Variants in BCAR3 observed in about 807,000 individuals in gnomAD.
BCAR3 encodes the protein BCAR3 adaptor protein, NSP family member, also known as breast cancer anti-estrogen resistance protein 3.
Under a neutral mutation model 80.1 loss-of-function variants are expected in BCAR3, and 37 were observed. That is an observed-to-expected ratio of 0.46 (90% CI 0.36 to 0.61). BCAR3 has a LOEUF of 0.61. Among genes scored for constraint, BCAR3 ranks in the 20% least tolerant of loss-of-function variants. BCAR3 has a pLI of 0.00. For missense variants in BCAR3, 978 were observed against 1,068.2 expected, an observed-to-expected ratio of 0.92 and a Z score of 1.18; for synonymous variants, 389 against 418.9, an observed-to-expected ratio of 0.93 and a Z score of 0.87.
chr1:93,744,339 A>C (rs1651281151), intron 2 of BCAR3, among the ~76,000 whole-genome samples: 1 of 152,216 alleles, frequency 6.6e-6, no homozygotes, highest in Admixed American at 6.5e-5. Context: ...ACGTTTCAAC[A>C]GGGGTAAATA....
chr1:93,646,354 G>C (rs921030655), intron 2 of BCAR3: 1 of 152,166 alleles, frequency 6.6e-6, no homozygotes, highest in Non-Finnish European at 1.5e-5. Context: ...TGTAATCCCA[G>C]CACTTTGGGA....
chr1:93,745,344 C>T (rs1374154191), intron 2 of BCAR3, among the ~76,000 whole-genome samples: 1 of 152,250 alleles, frequency 6.6e-6, no homozygotes, highest in Non-Finnish European at 1.5e-5. Flanking sequence ...AGCAAATGAA[C>T]AACAGCGTTT....
chr1:93,807,850 A>G lies in BCAR3; in HGVS notation c.-63+37717T>C, dbSNP rs371905891. On this transcript the variant is annotated intron_variant, in intron 2 of 13. Transcript: ENST00000370244. ...GGAGTTCCAGGTCAGCCTTGGCAAC[A>G]TAGCAAAACCCTGTCTCTACAAAAA... 2.6e-4 allele frequency among the ~76,000 whole-genome samples: 40 copies of G among 152,128 alleles called. 3 individuals carry two copies. Among genetic ancestry groups the G allele is most frequent in the Admixed American group, 1.2e-3 (19 of 15,268 alleles).
chr1:93,672,806 T>G (rs1648277639), intron 2 of BCAR3, among the ~76,000 whole-genome samples: 1 of 152,130 alleles, frequency 6.6e-6, no homozygotes, highest in South Asian at 2.1e-4. Flanking sequence ...TCTCTAGTGG[T>G]TTCTATGGAG....
intron 2 of BCAR3, among the ~76,000 whole-genome samples, chr1:93,799,869 C>T (rs1355734348): frequency 1.3e-5 from 2 of 152,186 alleles, no homozygotes; most frequent in Non-Finnish European, 2.9e-5. Context: ...TCAGGACCTA[C>T]TGGTATGCTA....
intron 3 of BCAR3, among the ~76,000 whole-genome samples, chr1:93,632,032 T>C (rs1206294667): frequency 1.3e-5 from 2 of 152,178 alleles, no homozygotes; most frequent in Non-Finnish European, 2.9e-5. Flanking sequence ...TGTTCATCCA[T>C]CTGGGCTAAA....
In BCAR3 at chr1:93,592,358, G is replaced by A. The variant is rs760968447; in HGVS notation, c.393C>T (p.Pro131=). ...CCTCCAGCTCCTTCTTCAGTTTCTCGGGGGTCCTGTCCATGATGTGCCTCT... is the reference window on the plus strand; with the variant it reads ...CCTCCAGCTCCTTCTTCAGTTTCTCAGGGGTCCTGTCCATGATGTGCCTCT... The part of the protein sequence containing the change: ...SKERHIMDRT[P]EKLKKELEEE... The change falls in exon 4 of 12, where the codon CCC becomes CCT. Residue 131 remains proline, a synonymous_variant. Transcript: ENST00000260502. The surrounding 1 kb of genome is among the most constrained non-coding windows in gnomAD (Gnocchi z 4.8). The A allele has an allele frequency of 2.5e-5, 40 of 1,605,830 alleles. 1 individual carries two copies. Among genetic ancestry groups the A allele is most frequent in the Admixed American group, 1.7e-4 (10 of 59,816 alleles).
At chr1:93,712,490 C>G (rs915596735) in intron 2 of BCAR3, among the ~76,000 whole-genome samples, 13 of 152,218 alleles carry the variant, frequency 8.5e-5, no homozygotes, top group African/African-American at 3.1e-4. Context: ...GTTGCTCTGT[C>G]CTTCTGATTT....
chr1:93,613,709 A>G, intron 3 of BCAR3: 1 of 1,037,394 alleles, frequency 9.6e-7, no homozygotes, highest in South Asian at 1.7e-5. Flanking sequence ...GCTCTTGAAG[A>G]CCCATCAGTC....
At chr1:93,843,230 C>G (rs1202881700) in intron 2 of BCAR3, among the ~76,000 whole-genome samples, 1 of 152,172 alleles carries the variant, frequency 6.6e-6, no homozygotes, top group Non-Finnish European at 1.5e-5. Context: ...TGTTCGGTAA[C>G]AGAAATGAAA....
chr1:93,762,084 T>C (rs1395066961), intron 2 of BCAR3, among the ~76,000 whole-genome samples: 1 of 152,222 alleles, frequency 6.6e-6, no homozygotes, highest in Non-Finnish European at 1.5e-5. Flanking sequence ...ATATGTGCTC[T>C]AAGTATCACA....
chr1:93,742,516 G>T (rs72965451), intron 2 of BCAR3, among the ~76,000 whole-genome samples: 1 of 152,218 alleles, frequency 6.6e-6, no homozygotes, highest in Non-Finnish European at 1.5e-5. Flanking sequence ...CCCTGGAAAC[G>T]TTCTCTCCGT....
intron 2 of BCAR3, among the ~76,000 whole-genome samples, chr1:93,659,884 A>G (rs1275665326): frequency 6.6e-6 from 1 of 151,894 alleles, no homozygotes; most frequent in Non-Finnish European, 1.5e-5. Flanking sequence ...CTCCTTTCCT[A>G]TGAATTATAA....
intron 2 of BCAR3, among the ~76,000 whole-genome samples, chr1:93,807,507 G>GT (rs1331318885): frequency 1.3e-5 from 2 of 152,194 alleles, no homozygotes; most frequent in East Asian, 3.9e-4. Flanking sequence ...GCGGAAGGTG[G>GT]TGGGAAGGCT....
chr1:93,695,101 T>C (rs1413786625), intron 3 of BCAR3, among the ~76,000 whole-genome samples: 1 of 152,252 alleles, frequency 6.6e-6, no homozygotes, highest in Admixed American at 6.5e-5. Flanking sequence ...CTGTCATGCA[T>C]CGACATCATT....
At chr1:93,715,743 C>G (rs987215835) in intron 2 of BCAR3, among the ~76,000 whole-genome samples, 4 of 152,214 alleles carry the variant, frequency 2.6e-5, no homozygotes, top group African/African-American at 9.7e-5. Flanking sequence ...ACGTTATAGA[C>G]AGATGGTGGC....
At chr1:93,575,928 T>A (rs1673437007) in intron 8 of BCAR3, 86 bp downstream of exon 8, 2 of 1,155,126 alleles carry the variant, frequency 1.7e-6, no homozygotes, top group African/African-American at 3.0e-5. Context: ...AGGCTGGTGC[T>A]GCGCCTCTCT....
intron 3 of BCAR3, among the ~76,000 whole-genome samples, chr1:93,612,069 G>A (rs1365359033): frequency 6.6e-6 from 1 of 152,124 alleles, no homozygotes; most frequent in Non-Finnish European, 1.5e-5. Flanking sequence ...TCAATAAAGC[G>A]ACTCGGCATT....
At chr1:93,755,195 A>G (rs191226419) in intron 2 of BCAR3, among the ~76,000 whole-genome samples, 243 of 152,366 alleles carry the variant, frequency 1.6e-3, no homozygotes, top group African/African-American at 5.7e-3. Context: ...TTATGAAAGA[A>G]TCAAAAAAGT....
Sources: allele counts gnomAD v4.1 joint callset (sites outside exome capture counted in the v4.1 genomes callset), GRCh38; gene constraint gnomAD v4.1.1; non-coding constraint Gnocchi (gnomAD v3.1); transcripts MANE v1.5; gene names NCBI Gene and HGNC (gene_info 2026-07-23, HGNC 2026-07-21).